FGD6: variants seen among roughly 807,000 people sequenced by gnomAD.
The protein encoded by FGD6 is FYVE, RhoGEF and PH domain containing 6.
In FGD6, 90 loss-of-function variants were observed where a neutral mutation model predicts 149.4. The ratio of observed to expected loss-of-function variants is 0.60; its 90% CI spans 0.51 to 0.72. The LOEUF (loss-of-function observed/expected upper bound fraction) is 0.72. Among genes scored for constraint, FGD6 ranks in the 30% least tolerant of loss-of-function variants. The pLI is 0.00. For synonymous variants in FGD6, 527 were observed against 584.0 expected, an observed-to-expected ratio of 0.90 and a Z score of 1.41; for missense variants, 1,437 against 1,684.8, an observed-to-expected ratio of 0.85 and a Z score of 2.57.
rs561687737 is a variant in FGD6, at chr12:95,163,110, C to T, written c.2586+9490G>A. 1.6e-4 allele frequency among the ~76,000 whole-genome samples: 25 copies of T among 152,296 alleles called. No individual in the cohort carries two copies. The East Asian group carries it at 4.6e-3, about 28-fold the overall frequency. ...GGATAACAAAGATTCAAGTTTCTTT[C>T]GCCAAGGGTATTAGGCATTTCTCAA... On this transcript the variant is annotated intron_variant, in intron 3 of 20. Coordinates refer to ENST00000343958, the MANE Select transcript of FGD6 (RefSeq NM_018351.4).
At chr12:95,154,811 A>G (rs1208423755) in intron 3 of FGD6, among the ~76,000 whole-genome samples, 2 of 152,202 alleles carry the variant, frequency 1.3e-5, no homozygotes, top group African/African-American at 4.8e-5. Flanking sequence ...GGAAAAAAAA[A>G]TATGGTAGCA....
rs1281887487 is a variant in FGD6 at position 95,150,025 on chromosome 12, CACACACACT to C, written c.2685+2777_2685+2785del. 5.7e-5 allele frequency among the ~76,000 whole-genome samples: 7 copies of C among 121,974 alleles called. No homozygotes were observed. The East Asian group carries it at 6.7e-4, about 12-fold the overall frequency. The allele number at this position is 121,974 out of a possible 152,430, so 80.0% of individuals were successfully genotyped here. ...ACACACACACACACACACACACACA[CACACACACT>C]TTTTTTTTTTGAGAGGGAGTTTCGC... On this transcript the variant is annotated intron_variant, in intron 5 of 20. Coordinates refer to ENST00000343958, the MANE Select transcript of FGD6 (RefSeq NM_018351.4).
intron 3 of FGD6, among the ~76,000 whole-genome samples, chr12:95,172,300 C>T (rs191669616): frequency 3.3e-5 from 5 of 152,180 alleles, no homozygotes; most frequent in East Asian, 1.9e-4. Context: ...GGCTTGAACC[C>T]GGGAGGTAAA....
At position 95,211,012 on chromosome 12, in the gene FGD6, T is replaced by A. The variant is rs763773564; in HGVS notation, c.272A>T (p.Asp91Val). Residue 91 changes from aspartate to valine, a missense_variant, in exon 2 of 21, where the codon GAC becomes GTC. This residue lies in a region of FGD6 where 1,055 missense variants were observed against 1,146.0 expected (regional missense o/e 0.92). Coordinates refer to ENST00000343958, the MANE Select transcript of FGD6 (RefSeq NM_018351.4). ...GCCTTCATATTTACAATTAAAGTTGTCAGTGCTTTCAGCTAATTCCTGTTT... is the reference window on the plus strand; with the variant it reads ...GCCTTCATATTTACAATTAAAGTTGACAGTGCTTTCAGCTAATTCCTGTTT... ...GHKQELAEST[D>V]NFNCKYEGNQ... 1.2e-6 allele frequency: 2 copies of A among 1,614,054 alleles called. No individual in the cohort carries two copies. The highest frequency in any genetic ancestry group is 1.3e-5 in the African/African-American group (1 of 74,946).
chr12:95,146,028 C>T (rs1005028292), intron 5 of FGD6, among the ~76,000 whole-genome samples: 1 of 152,122 alleles, frequency 6.6e-6, no homozygotes, highest in African/African-American at 2.4e-5. Flanking sequence ...GCTTTTGCTT[C>T]AACAAGTGTC....
Position 95,177,069 on chromosome 12 carries a change from C to A in FGD6, c.2442-4325G>T, listed in dbSNP as rs187104109. Among the ~76,000 whole-genome samples, 7 of 152,316 alleles carry A rather than the reference C, an allele frequency of 4.6e-5. No homozygotes were observed. In the East Asian group the frequency reaches 1.3e-3, roughly 29 times the overall value. Reference sequence around the variant, plus strand: ...TCTTGAACTCCTGGCCTCAGGTGATCTGCCTGCCTCAGCCTCCCAAAATGC... The same window carrying A: ...TCTTGAACTCCTGGCCTCAGGTGATATGCCTGCCTCAGCCTCCCAAAATGC... On this transcript the variant is annotated intron_variant, in intron 2 of 20. Coordinates refer to ENST00000343958, the MANE Select transcript of FGD6 (RefSeq NM_018351.4).
At chr12:95,158,087 C>G (rs1393583537) in intron 3 of FGD6, among the ~76,000 whole-genome samples, 1 of 151,462 alleles carries the variant, frequency 6.6e-6, no homozygotes, top group Non-Finnish European at 1.5e-5. Flanking sequence ...ACCTCGTGAT[C>G]CACCTGTCTC....
intron 2 of FGD6, chr12:95,189,261 T>C (rs1028542675): frequency 2.0e-5 from 3 of 152,214 alleles, no homozygotes; most frequent in Admixed American, 6.5e-5. Flanking sequence ...GACATTAATT[T>C]GTAGAGTACA....
intron 3 of FGD6, among the ~76,000 whole-genome samples, chr12:95,160,033 T>C (rs1880589982): frequency 6.7e-6 from 1 of 149,702 alleles, no homozygotes; most frequent in East Asian, 2.0e-4. Flanking sequence ...AAAACCAAAC[T>C]CTGATAACTC....
intron 5 of FGD6, among the ~76,000 whole-genome samples, chr12:95,149,273 CAT>C (rs1213774046): frequency 0.012 from 249 of 20,160 alleles, 85 homozygotes; most frequent in African/African-American, 0.018. Context: ...TATTATATTA[CAT>C]ATAGCATATA....
chr12:95,089,514 A>G (rs1396415634), intron 18 of FGD6, 55 bp downstream of exon 18: 2 of 1,580,648 alleles, frequency 1.3e-6, no homozygotes, highest in African/African-American at 1.4e-5. Flanking sequence ...GGTGTATTAT[A>G]TGCATATGAA....
chr12:95,148,780 ATATTATATAATACATAGCATATGT>A (rs1880127805), intron 5 of FGD6, among the ~76,000 whole-genome samples: 1 of 103,276 alleles, frequency 9.7e-6, no homozygotes, highest in African/African-American at 3.9e-5. Context: ...CATATATTAT[ATATTATATAATACATAGCATATGT>A]TATATTACAT....
intron 5 of FGD6, among the ~76,000 whole-genome samples, chr12:95,151,226 A>G (rs1485027267): frequency 6.6e-6 from 1 of 152,114 alleles, no homozygotes; most frequent in Admixed American, 6.6e-5. Context: ...TTTTTAAAGA[A>G]TTTCCAAAGC....
At chr12:95,169,534 AGAAT>A (rs1565914644) in intron 3 of FGD6, among the ~76,000 whole-genome samples, 2 of 152,210 alleles carry the variant, frequency 1.3e-5, no homozygotes, top group Non-Finnish European at 2.9e-5. Flanking sequence ...CACTGCCCAC[AGAAT>A]GAGTGAGTCA....
At chr12:95,099,560 T>C (rs4762311) in intron 14 of FGD6, among the ~76,000 whole-genome samples, 41,005 of 152,026 alleles carry the variant, frequency 0.27, 5,730 homozygotes, top group East Asian at 0.32. Flanking sequence ...CAAGAACTTT[T>C]CAGTTCAATG....
Position 95,152,201 on chromosome 12 carries a change from C to T in FGD6, c.2685+610G>A, listed in dbSNP as rs144574589. Among the ~76,000 whole-genome samples, 14 of 152,192 alleles carry T rather than the reference C, an allele frequency of 9.2e-5. No individual in the cohort carries two copies. In the East Asian group the frequency reaches 2.1e-3, roughly 23 times the overall value. On this transcript the variant is annotated intron_variant, in intron 5 of 20. Transcript: ENST00000343958. ...TTTAGCTGGGCATGGTGGTGAGTGC[C>T]TGTAGTCCCAGCTGCTCAGGAGCCT...
chr12:95,158,085 A>G (rs1195890830), intron 3 of FGD6, among the ~76,000 whole-genome samples: 1 of 150,462 alleles, frequency 6.6e-6, no homozygotes, highest in African/African-American at 2.4e-5. Context: ...TGACCTCGTG[A>G]TCCACCTGTC....
At chr12:95,199,465 T>C (rs1231639133) in intron 2 of FGD6, among the ~76,000 whole-genome samples, 1 of 152,192 alleles carries the variant, frequency 6.6e-6, no homozygotes, top group Non-Finnish European at 1.5e-5. Flanking sequence ...ACTTTTGTTA[T>C]CAAGCAAATC....
At chr12:95,139,271 T>A (rs1338119017) in intron 6 of FGD6, among the ~76,000 whole-genome samples, 1 of 151,966 alleles carries the variant, frequency 6.6e-6, no homozygotes, top group Non-Finnish European at 1.5e-5. Context: ...GCAACCTGTC[T>A]CTACAAAAAA....
Sources: gnomAD v4.1 joint callset for allele counts (sites outside exome capture counted in the v4.1 genomes callset) on GRCh38, gnomAD v4.1.1 for gene constraint, gnomAD v4.1.1 regional missense constraint, MANE v1.5 for transcripts, NCBI Gene and HGNC (gene_info 2026-07-23, HGNC 2026-07-21) for gene names.